FRY: variants seen among roughly 807,000 people sequenced by gnomAD.
FRY encodes the protein protein furry homolog.
A neutral mutation model predicts 348.4 loss-of-function variants in FRY; 128 were observed. The ratio of observed to expected loss-of-function variants is 0.37; its 90% CI spans 0.32 to 0.43. The LOEUF (loss-of-function observed/expected upper bound fraction) is 0.43. Ranked by LOEUF, FRY falls within the 20% of genes least tolerant of loss-of-function variation. The pLI is 1.00. For missense variants in FRY, 2,736 were observed against 3,695.2 expected (o/e 0.74, Z 6.73); for synonymous variants, 1,370 against 1,374.7 (o/e 1.00, Z 0.08).
chr13:32,225,210 TC>T (rs1410712938), intron 38 of FRY, among the ~76,000 whole-genome samples, 174 bp downstream of exon 38: 4 of 152,246 alleles, frequency 2.6e-5, no homozygotes, highest in African/African-American at 9.6e-5. Context: ...AGCTACTTGG[TC>T]ACTGTTTGAA....
At chr13:32,041,708 A>T (rs1488809945) in intron 1 of FRY, among the ~76,000 whole-genome samples, 1 of 152,206 alleles carries the variant, frequency 6.6e-6, no homozygotes, top group Admixed American at 6.5e-5. Flanking sequence ...GGTGCAAGAC[A>T]ACCTGTCTCG....
intron 13 of FRY, among the ~76,000 whole-genome samples, chr13:32,148,319 C>A (rs1030870979): frequency 6.6e-6 from 1 of 152,080 alleles, no homozygotes; most frequent in Admixed American, 6.5e-5. Flanking sequence ...CAGAGAAAAC[C>A]AAAAGAGAAC....
At chr13:32,273,378 T>G (rs556714039) in intron 55 of FRY, among the ~76,000 whole-genome samples, 1 of 151,456 alleles carries the variant, frequency 6.6e-6, no homozygotes, top group Admixed American at 6.6e-5. Context: ...GCCCACCACC[T>G]CGCCCGGCTA....
chr13:32,171,436 G>A (rs1022453115), intron 18 of FRY, among the ~76,000 whole-genome samples, 166 bp downstream of exon 18: 7 of 147,220 alleles, frequency 4.8e-5, no homozygotes, highest in Admixed American at 1.4e-4. Flanking sequence ...TCAGCCTCCC[G>A]AGTAGCTGGG....
At chr13:32,267,580 C>G (rs1432609120) in intron 55 of FRY, among the ~76,000 whole-genome samples, 1 of 152,108 alleles carries the variant, frequency 6.6e-6, no homozygotes, top group South Asian at 2.1e-4. Flanking sequence ...CATGAAGTAC[C>G]TTTCATTCCT....
rs564353141 is a variant in FRY at position 32,055,941 on chromosome 13, C to T, written c.71-22893C>T. On this transcript the variant is annotated intron_variant, in intron 1 of 60. Coordinates refer to ENST00000542859, the MANE Select transcript of FRY (RefSeq NM_023037.3). ...GGCACAGTGGCTCACACCTGTAATC[C>T]CAGCACTTTGGGAGGCCGAGGTGGG... 3.9e-5 allele frequency among the ~76,000 whole-genome samples: 6 copies of T among 152,136 alleles called. No homozygotes were observed. The South Asian group carries it at 1.2e-3, about 32-fold the overall frequency.
At chr13:32,070,820 T>C (rs925431684) in intron 1 of FRY, among the ~76,000 whole-genome samples, 1 of 152,354 alleles carries the variant, frequency 6.6e-6, no homozygotes, top group East Asian at 1.9e-4. Context: ...GCCTAGGTTT[T>C]CTTCTAGGGT....
At chr13:32,106,035 G>A (rs1283144408) in intron 3 of FRY, among the ~76,000 whole-genome samples, 1 of 148,182 alleles carries the variant, frequency 6.7e-6, no homozygotes, top group African/African-American at 2.5e-5. Flanking sequence ...CTCCAAGAAG[G>A]TATTATCTCT....
chr13:32,051,224 G>A (rs1168171354), intron 1 of FRY, among the ~76,000 whole-genome samples: 1 of 152,144 alleles, frequency 6.6e-6, no homozygotes, highest in East Asian at 1.9e-4. Flanking sequence ...GGTTAAGGGA[G>A]GTTTTGTGGT....
At chr13:32,209,238 G>A (rs1884538756) in intron 32 of FRY, 129 bp downstream of exon 32, 8 of 1,054,564 alleles carry the variant, frequency 7.6e-6, no homozygotes, top group Non-Finnish European at 1.2e-5. Flanking sequence ...TAGTGGTGAT[G>A]GTTGCACAGA....
At chr13:32,199,496 T>C (rs1293960218) in intron 29 of FRY, among the ~76,000 whole-genome samples, 1 of 152,182 alleles carries the variant, frequency 6.6e-6, no homozygotes, top group Non-Finnish European at 1.5e-5. Context: ...GATGCAAATG[T>C]CTGTATATAG....
chr13:32,235,439 C>G (rs1437790096), intron 42 of FRY, among the ~76,000 whole-genome samples: 1 of 152,226 alleles, frequency 6.6e-6, no homozygotes, highest in East Asian at 1.9e-4. Context: ...GGCTGGCCAA[C>G]ACGGTGAAAC....
chr13:32,108,727 A>G (rs1262573561), intron 3 of FRY, among the ~76,000 whole-genome samples: 7 of 152,202 alleles, frequency 4.6e-5, no homozygotes, highest in African/African-American at 1.7e-4. Flanking sequence ...GACAAGAATT[A>G]TTTTGCATTG....
intron 15 of FRY, 33 bp from the exon 16 acceptor site, chr13:32,157,240 G>A: frequency 6.3e-7 from 1 of 1,590,006 alleles, no homozygotes; most frequent in Non-Finnish European, 8.6e-7. Context: ...GATAGATTCA[G>A]TTGAAGGTAT....
intron 15 of FRY, 138 bp downstream of exon 15, chr13:32,155,800 G>C: frequency 1.6e-6 from 1 of 620,798 alleles, no homozygotes; most frequent in Non-Finnish European, 2.8e-6. Context: ...TAATTGTTTT[G>C]ATTGATTCAT....
chr13:32,068,821 A>G (rs1398848290), intron 1 of FRY, among the ~76,000 whole-genome samples: 3 of 151,790 alleles, frequency 2.0e-5, no homozygotes, highest in South Asian at 4.1e-4. Context: ...TCATCAATGT[A>G]TCTAGGAAAG....
At chr13:32,159,042 T>A (rs205004) in intron 16 of FRY, among the ~76,000 whole-genome samples, 104,173 of 149,494 alleles carry the variant, frequency 0.7, 36,729 homozygotes, top group East Asian at 0.98. Flanking sequence ...GACAAAAACA[T>A]TATATTCAAA....
intron 1 of FRY, among the ~76,000 whole-genome samples, chr13:32,064,565 A>C (rs968408024): frequency 2.0e-5 from 3 of 152,132 alleles, no homozygotes; most frequent in Non-Finnish European, 4.4e-5. Flanking sequence ...ATAGCCCAAT[A>C]CCCCAAGTAC....
chr13:32,250,724 T>A (rs1887033087), intron 49 of FRY, among the ~76,000 whole-genome samples: 1 of 152,140 alleles, frequency 6.6e-6, no homozygotes, highest in Admixed American at 6.5e-5. Context: ...ACAAAGTGGG[T>A]GCCCAGGAGG....
Sources: gnomAD v4.1 joint callset for allele counts (sites outside exome capture counted in the v4.1 genomes callset) on GRCh38, gnomAD v4.1.1 for gene constraint, MANE v1.5 for transcripts, NCBI Gene and HGNC (gene_info 2026-07-23, HGNC 2026-07-21) for gene names.